FAM227A: variants seen among roughly 807,000 people sequenced by gnomAD.
FAM227A encodes family with sequence similarity 227 member A, also known as protein FAM227A.
In FAM227A, 80 loss-of-function variants were observed where a neutral mutation model predicts 74.7. The ratio of observed to expected loss-of-function variants is 1.07; its 90% CI spans 0.89 to 1.29. The LOEUF is 1.29. FAM227A is among the 50% of genes most tolerant of loss of function. The pLI, the probability that FAM227A is intolerant of heterozygous loss-of-function variation, is 0.00. For synonymous variants in FAM227A, 237 were observed against 241.8 expected, an observed-to-expected ratio of 0.98 and a Z score of 0.19; for missense variants, 654 against 683.4, an observed-to-expected ratio of 0.96 and a Z score of 0.48.
In FAM227A at chr22:38,628,307, C is replaced by G; in HGVS notation, c.657G>C (p.Arg219=). 2 of 1,551,476 alleles carry G rather than the reference C, an allele frequency of 1.3e-6. No homozygotes were observed. The highest frequency in any genetic ancestry group is 8.7e-7 in the Non-Finnish European group (1 of 1,146,854). The part of the protein sequence containing the change: ...NKELQNNLFD[R]IAQHYALLLF... Reference sequence around the variant, plus strand: ...AAAGTAAGGCATAGTGCTGGGCTATCCGGTCAAACAGATTATTCTGGAGCT... The same window carrying G: ...AAAGTAAGGCATAGTGCTGGGCTATGCGGTCAAACAGATTATTCTGGAGCT... The change falls in exon 8 of 17, where the codon CGG becomes CGC. Residue 219 remains arginine (R), a synonymous_variant. Transcript: ENST00000535113.
At chr22:38,632,477 A>G (rs2091933019) in intron 6 of FAM227A, among the ~76,000 whole-genome samples, 1 of 152,166 alleles carries the variant, frequency 6.6e-6, no homozygotes, top group African/African-American at 2.4e-5. Flanking sequence ...GAAGGCCCTC[A>G]CCAGATGTGG....
At chr22:38,596,056 ACG>A (rs1218659444) in intron 15 of FAM227A, among the ~76,000 whole-genome samples, 1 of 152,148 alleles carries the variant, frequency 6.6e-6, no homozygotes, top group East Asian at 1.9e-4. Context: ...ACGGTGGCTC[ACG>A]CCTATAATCT....
chr22:38,647,127 C>T (rs763641963), intron 2 of FAM227A, among the ~76,000 whole-genome samples: 10 of 149,642 alleles, frequency 6.7e-5, no homozygotes, highest in Non-Finnish European at 1.3e-4. Context: ...CCAGCCCGTG[C>T]GATGGTGCGA....
At chr22:38,624,297 C>T (rs1985042023) in intron 9 of FAM227A, among the ~76,000 whole-genome samples, 1 of 151,866 alleles carries the variant, frequency 6.6e-6, no homozygotes, top group South Asian at 2.1e-4. Flanking sequence ...CCCATCTACT[C>T]AGGAGGCTGA....
chr22:38,653,744 A>C (rs897148932), intron 1 of FAM227A: 1 of 152,188 alleles, frequency 6.6e-6, no homozygotes, highest in African/African-American at 2.4e-5. Context: ...GTCTTCCATG[A>C]AACTGGTTCC....
At chr22:38,631,180 CAA>C (rs2091908716) in intron 6 of FAM227A, among the ~76,000 whole-genome samples, 1 of 152,000 alleles carries the variant, frequency 6.6e-6, no homozygotes, top group Non-Finnish European at 1.5e-5. Context: ...AAAAACAAAA[CAA>C]AACAAAAACT....
Position 38,582,545 on chromosome 22 carries a change from C to T in FAM227A, c.*3580G>A, listed in dbSNP as rs1202507521. ...GCAAATAATTCTTCCCCATAATTTT[C>T]CCTTCTAATGTTTACAAAGGGCAGA... On this transcript the variant is annotated 3_prime_UTR_variant, in exon 17 of 17. Transcript: ENST00000535113. 24 of 1,008,494 alleles carry T rather than the reference C, an allele frequency of 2.4e-5. No individual in the cohort carries two copies. Among genetic ancestry groups the T allele is most frequent in the Non-Finnish European group, 3.4e-5 (24 of 696,572 alleles). 62.5% of individuals were successfully genotyped at this position (1,008,494 alleles called of 1,614,324 possible).
intron 10 of FAM227A, 27 bp downstream of exon 10, chr22:38,623,145 G>C: frequency 6.8e-7 from 1 of 1,466,754 alleles, no homozygotes; most frequent in Non-Finnish European, 9.3e-7. Flanking sequence ...TGGCAAAGAA[G>C]GCGGGAGGCT....
At chr22:38,645,381 C>A (rs1287875646) in intron 3 of FAM227A, among the ~76,000 whole-genome samples, 182 bp downstream of exon 3, 5 of 151,858 alleles carry the variant, frequency 3.3e-5, no homozygotes, top group African/African-American at 1.2e-4. Flanking sequence ...CAAAGCGAGA[C>A]TCCATCTCAA....
chr22:38,603,171 G>A (rs2091212862), intron 13 of FAM227A, among the ~76,000 whole-genome samples: 2 of 152,090 alleles, frequency 1.3e-5, no homozygotes, highest in South Asian at 2.1e-4. Context: ...ACCATACCCA[G>A]CCAACTAATA....
At chr22:38,611,541 C>T (rs1239722985) in intron 11 of FAM227A, among the ~76,000 whole-genome samples, 5 of 152,128 alleles carry the variant, frequency 3.3e-5, no homozygotes, top group Non-Finnish European at 1.5e-5. Context: ...TCACCTACCC[C>T]TAGATTGAAT....
At chr22:38,649,971 A>G (rs531115839) in intron 2 of FAM227A, 56 bp downstream of exon 2, 3 of 1,514,864 alleles carry the variant, frequency 2.0e-6, no homozygotes, top group East Asian at 4.9e-5. Context: ...TCTCTGTGGC[A>G]TGACTCAAGT....
chr22:38,632,533 A>G (rs1054803658), intron 6 of FAM227A, among the ~76,000 whole-genome samples: 1 of 152,168 alleles, frequency 6.6e-6, no homozygotes, highest in African/African-American at 2.4e-5. Flanking sequence ...AAAGAAATAA[A>G]TCTCTGTTCT....
intron 14 of FAM227A, among the ~76,000 whole-genome samples, chr22:38,598,721 A>C (rs1336973721): frequency 6.6e-6 from 1 of 152,184 alleles, no homozygotes; most frequent in Non-Finnish European, 1.5e-5. Context: ...TGTAATCTGC[A>C]TAATAGCCCT....
intron 6 of FAM227A, among the ~76,000 whole-genome samples, chr22:38,630,394 C>T (rs1004475486): frequency 6.6e-6 from 1 of 152,238 alleles, no homozygotes; most frequent in Non-Finnish European, 1.5e-5. Context: ...AGAGCACAGA[C>T]TTGGGTGCCA....
At chr22:38,595,736 A>G in intron 15 of FAM227A, among the ~76,000 whole-genome samples, 1 of 152,248 alleles carries the variant, frequency 6.6e-6, no homozygotes, top group Non-Finnish European at 1.5e-5. Context: ...ACCTGACATG[A>G]TATGCCTCCT....
rs2091730414 is a variant in FAM227A at position 38,623,281 on chromosome 22, TAAGG to T, written c.851-6_851-3del. On this transcript the variant is annotated splice_polypyrimidine_tract_variant and splice_region_variant and intron_variant, in intron 9 of 16. Coordinates refer to ENST00000535113, the MANE Select transcript of FAM227A (RefSeq NM_001013647.2). ...AGCTCTGTGGGCTAGGATAGGTGCC[TAAGG>T]GAGGAGTCAAGAGTGAGAATGGGGC... The T allele has an allele frequency of 1.9e-6, 3 of 1,547,770 alleles. No individual in the cohort carries two copies. Among genetic ancestry groups the T allele is most frequent in the Non-Finnish European group, 2.6e-6 (3 of 1,143,486 alleles).
intron 6 of FAM227A, among the ~76,000 whole-genome samples, chr22:38,634,071 T>A (rs1408729273): frequency 6.6e-6 from 1 of 151,594 alleles, no homozygotes; most frequent in Non-Finnish European, 1.5e-5. Context: ...ATACAAAAAA[T>A]TAGCCAGGCA....
At position 38,597,324 on chromosome 22, in the gene FAM227A, C is replaced by A. The variant is rs1224444447; in HGVS notation, c.1412G>T (p.Ser471Ile). 6.4e-6 allele frequency: 10 copies of A among 1,551,750 alleles called. No homozygotes were observed. Among genetic ancestry groups the A allele is most frequent in the African/African-American group, 1.4e-5 (1 of 73,032 alleles). The change falls in exon 15 of 17, where the codon AGC becomes ATC. Residue 471 changes from serine to isoleucine, a missense_variant. Transcript: ENST00000535113. ...DCTPTYTDVI[S>I]ETLCSMKKRK... is the part of the protein sequence containing the mutation. The stretch of plus-strand genomic sequence containing the variant: ...CTTCTTCATGCTGCACAGGGTCTCG[C>A]TGATGACATCAGTATACGTTGGGGT...
Sources: allele counts gnomAD v4.1 joint callset (sites outside exome capture counted in the v4.1 genomes callset), GRCh38; gene constraint gnomAD v4.1.1; transcripts MANE v1.5; gene names NCBI Gene and HGNC (gene_info 2026-07-23, HGNC 2026-07-21).